The following SPTBN4 variants were observed in gnomAD, a reference collection of about 807,000 sequenced individuals.
SPTBN4 encodes spectrin beta, non-erythrocytic 4.
In SPTBN4, 96 loss-of-function variants were observed where a neutral mutation model predicts 277.8. The observed-to-expected ratio is 0.35, with a 90% CI of 0.29 to 0.41. The LOEUF (loss-of-function observed/expected upper bound fraction) is 0.41, where lower values mean the gene tolerates loss of function less well. Ranked by LOEUF, SPTBN4 falls within the 10% of genes least tolerant of loss-of-function variation. The pLI, the probability that SPTBN4 is intolerant of heterozygous loss-of-function variation, is 1.00. For synonymous variants in SPTBN4, 1,481 were observed against 1,580.3 expected (o/e 0.94, Z 1.49); for missense variants, 3,006 against 3,595.7 (o/e 0.84, Z 4.19).
In SPTBN4 at chr19:40,554,656, C is replaced by CGCGT; in HGVS notation, c.5084+12_5084+15dup. ...TGGGGCACCCGGACAGGTGGGCGGG[C>CGCGT]GCGTGGCCAGTTCACAGGAATGGTC... On this transcript the variant is annotated intron_variant, in intron 24 of 35. Coordinates refer to ENST00000598249, the MANE Select transcript of SPTBN4 (RefSeq NM_020971.3). This position sits in a 1 kb window ranked among gnomAD's most constrained non-coding sequence, Gnocchi z 5.7. The CGCGT allele has an allele frequency of 6.3e-7, 1 of 1,589,780 alleles. No individual in the cohort carries two copies. Among genetic ancestry groups the CGCGT allele is most frequent in the Non-Finnish European group, 8.6e-7 (1 of 1,168,642 alleles).
In SPTBN4 at chr19:40,572,365, C is replaced by G; in HGVS notation, c.7521C>G (p.Leu2507=). 6.2e-7 allele frequency: 1 copy of G among 1,614,184 alleles called. No individual in the cohort carries two copies. Among genetic ancestry groups the G allele is most frequent in the Non-Finnish European group, 8.5e-7 (1 of 1,180,020 alleles). Reference sequence around the variant, plus strand: ...CCCAGGATGGCAGTGAGTTTTTGCTCCAGGCAAAAGATGAGGTGAGATCTG... The same window carrying G: ...CCCAGGATGGCAGTGAGTTTTTGCTGCAGGCAAAAGATGAGGTGAGATCTG... ...LQTQDGSEFL[L]QAKDEEEMNG... Residue 2507 remains leucine, a synonymous_variant, in exon 35 of 36, where the codon CTC becomes CTG. Coordinates refer to ENST00000598249, the MANE Select transcript of SPTBN4 (RefSeq NM_020971.3).
Position 40,502,839 on chromosome 19 carries a change from G to A in SPTBN4, c.1268G>A (p.Arg423Gln), listed in dbSNP as rs773469412. 15 of 1,613,774 alleles carry A rather than the reference G, an allele frequency of 9.3e-6. No individual in the cohort carries two copies. The highest frequency in any genetic ancestry group is 1.6e-4 in the Middle Eastern group (1 of 6,084). ...REAALRAELI[R>Q]QEKLELLAQR... ...GCTGCCCTACGGGCTGAGCTGATTC[G>A]GCAGGAGAAGCTGGAACTACTGGCA... The change falls in exon 11 of 36, where the codon CGG becomes CAG. Residue 423 changes from arginine (R) to glutamine (Q), a missense_variant. Transcript: ENST00000598249. This position sits in a 1 kb window ranked among gnomAD's most constrained non-coding sequence, Gnocchi z 4.9.
chr19:40,569,967 C>CACACACACAG (rs2081136137), intron 32 of SPTBN4, among the ~76,000 whole-genome samples: 1 of 120,434 alleles, frequency 8.3e-6, no homozygotes, highest in Non-Finnish European at 1.8e-5. Flanking sequence ...CACACACACA[C>CACACACACAG]ACACACAGAC....
Position 40,557,196 on chromosome 19 carries a change from G to A in SPTBN4, c.5463G>A (p.Glu1821=). 1 of 1,610,970 alleles carries A rather than the reference G, an allele frequency of 6.2e-7. No homozygotes were observed. The highest frequency in any genetic ancestry group is 1.1e-5 in the South Asian group (1 of 90,894). ...GLNEAWAELL[E]LMGTRAQLLA... ...ACGAGGCCTGGGCTGAGCTGCTGGA[G>A]CTCATGGGCACACGGGCCCAGCTGC... Residue 1821 remains glutamate, a synonymous_variant, in exon 26 of 36, where the codon GAG becomes GAA. Coordinates refer to ENST00000598249, the MANE Select transcript of SPTBN4 (RefSeq NM_020971.3).
chr19:40,493,627 G>A (rs949056318), intron 5 of SPTBN4, among the ~76,000 whole-genome samples: 4 of 152,146 alleles, frequency 2.6e-5, no homozygotes, highest in East Asian at 3.9e-4. Context: ...AGGAGGCTGA[G>A]ATGGGAGGAT....
intron 12 of SPTBN4, among the ~76,000 whole-genome samples, chr19:40,505,658 A>T (rs781399182): frequency 2.0e-5 from 3 of 151,494 alleles, no homozygotes; most frequent in Non-Finnish European, 2.9e-5. Context: ...TGACAGAGGC[A>T]GACTCTGTCT....
Position 40,519,427 on chromosome 19 carries a change from A to G in SPTBN4, c.2930A>G (p.Glu977Gly). Reference protein sequence around the residue: ...SRWNRIVELVEQRKEEMSAVL... With the variant: ...SRWNRIVELVGQRKEEMSAVL... ...TGGAACCGCATCGTGGAGCTAGTGG[A>G]ACAGCGCAAAGAGGAAATGAGCGCG... The change falls in exon 16 of 36, where the codon GAA becomes GGA. Residue 977 changes from glutamate (E) to glycine (G), a missense_variant. Around this residue, in one of 5 missense-constraint regions of SPTBN4, gnomAD observed 1,759 missense variants for 2,061.5 expected, o/e 0.85. Transcript: ENST00000598249. The surrounding 1 kb of genome is among the most constrained non-coding windows in gnomAD (Gnocchi z 5.7). The G allele has an allele frequency of 6.3e-7, 1 of 1,589,868 alleles. No homozygotes were observed.
intron 3 of SPTBN4, among the ~76,000 whole-genome samples, chr19:40,488,765 G>T (rs2080102444): frequency 1.3e-5 from 2 of 152,092 alleles, no homozygotes; most frequent in Admixed American, 1.3e-4. Flanking sequence ...AGCCATGATT[G>T]CACCACTGCT....
intron 20 of SPTBN4, among the ~76,000 whole-genome samples, chr19:40,545,836 T>A (rs368888796): frequency 1.3e-5 from 2 of 151,802 alleles, no homozygotes; most frequent in African/African-American, 4.8e-5. Flanking sequence ...GGTCAGGAGA[T>A]CGAGACCATC....
At position 40,506,272 on chromosome 19, in the gene SPTBN4, G is replaced by C. The variant is rs2145854623; in HGVS notation, c.1702G>C (p.Val568Leu). The part of the protein sequence containing the change: ...LLSRECGQHL[V>L]EADDLLQKHG... ...GTCCCGGGAGTGTGGGCAGCACCTG[G>C]TGGAGGCAGACGACCTGTTGCAGAA... Residue 568 changes from valine (V) to leucine (L), a missense_variant, in exon 13 of 36, where the codon GTG (valine) becomes CTG (leucine). Val to Leu is a conservative substitution (Grantham distance 32, BLOSUM62 1). This residue lies in a region of SPTBN4 where 1,759 missense variants were observed against 2,061.5 expected (regional missense o/e 0.85). Coordinates refer to ENST00000598249, the MANE Select transcript of SPTBN4 (RefSeq NM_020971.3). 6.2e-7 allele frequency: 1 copy of C among 1,613,958 alleles called. No homozygotes were observed. The highest frequency in any genetic ancestry group is 8.5e-7 in the Non-Finnish European group (1 of 1,179,860).
At position 40,493,050 on chromosome 19, in the gene SPTBN4, G is replaced by A; in HGVS notation, c.583G>A (p.Ala195Thr). Residue 195 changes from alanine (A) to threonine (T), a missense_variant, in exon 5 of 36, where the codon GCT becomes ACT. Coordinates refer to ENST00000598249, the MANE Select transcript of SPTBN4 (RefSeq NM_020971.3). ...GCTCTTGTGGTGTCAGATGAAGACAGCTGGGTAAGCACCCCCACCACCTTC... is the reference window on the plus strand; with the variant it reads ...GCTCTTGTGGTGTCAGATGAAGACAACTGGGTAAGCACCCCCACCACCTTC... ...ALLLWCQMKT[A>T]GYPEVNIQNF... 6.2e-7 allele frequency: 1 copy of A among 1,614,032 alleles called. No homozygotes were observed. The highest frequency in any genetic ancestry group is 1.1e-5 in the South Asian group (1 of 91,078).
chr19:40,470,806 T>A (rs996038526), intron 1 of SPTBN4, among the ~76,000 whole-genome samples: 16 of 151,176 alleles, frequency 1.1e-4, no homozygotes, highest in Non-Finnish European at 2.4e-4. Flanking sequence ...CTAATTTTTG[T>A]ATTTTCAGTA....
At chr19:40,566,467 G>T in intron 30 of SPTBN4, 108 bp downstream of exon 30, 1 of 1,073,460 alleles carries the variant, frequency 9.3e-7, no homozygotes, top group Non-Finnish European at 1.3e-6. Flanking sequence ...GTCCTGTGTT[G>T]TGTGAGTGCC....
rs148009574 is a variant in SPTBN4, at chr19:40,523,492, C to G, written c.3710C>G (p.Ala1237Gly). The G allele has an allele frequency of 1.2e-6, 2 of 1,613,668 alleles. No homozygotes were observed. Among genetic ancestry groups the G allele is most frequent in the Non-Finnish European group, 1.7e-6 (2 of 1,179,852 alleles). The change falls in exon 17 of 36, where the codon GCC becomes GGC. Residue 1237 changes from alanine to glycine, a missense_variant. Around this residue, in one of 5 missense-constraint regions of SPTBN4, gnomAD observed 1,759 missense variants for 2,061.5 expected, o/e 0.85. Transcript: ENST00000598249. ...LPGTVESVEE[A>G]LKQHRDFLTT... ...GGCACAGTGGAATCGGTGGAGGAGG[C>G]CTTGAAACAGCACCGTGACTTTCTC...
Position 40,568,131 on chromosome 19 carries a change from C to T in SPTBN4, c.6805C>T (p.Arg2269Trp). Residue 2269 changes from arginine (R) to tryptophan (W), a missense_variant, in exon 31 of 36, where the codon CGG (arginine) becomes TGG (tryptophan). Transcript: ENST00000598249. ...GGCTGCGCGGAGGCGGCGGCCGGAG[C>T]GGCAGGAGTCAGCGGAGCACGAGGC... ...EEAARRRRPE[R>W]QESAEHEAAH... 3.8e-6 allele frequency: 6 copies of T among 1,575,854 alleles called. No homozygotes were observed. Among genetic ancestry groups the T allele is most frequent in the Non-Finnish European group, 5.2e-6 (6 of 1,161,342 alleles).
intron 16 of SPTBN4, 142 bp downstream of exon 16, chr19:40,520,293 C>G: frequency 1.1e-6 from 1 of 900,030 alleles, no homozygotes; most frequent in East Asian, 3.3e-5. Flanking sequence ...GAGAGAGTAT[C>G]CGGAATGGAT....
intron 35 of SPTBN4, 39 bp downstream of exon 35, chr19:40,572,419 G>C (rs375140596): frequency 5.0e-6 from 8 of 1,612,890 alleles, no homozygotes; most frequent in Non-Finnish European, 6.8e-6. Context: ...GTGGACCTCA[G>C]TAATGACCTG....
chr19:40,568,152 G>A lies in SPTBN4; in HGVS notation c.6826G>A (p.Glu2276Lys). 3.2e-6 allele frequency: 5 copies of A among 1,580,110 alleles called. No homozygotes were observed. The highest frequency in any genetic ancestry group is 4.3e-6 in the Non-Finnish European group (5 of 1,163,812). ...RPERQESAEH[E>K]AAHSLTLGRY... ...GGAGCGGCAGGAGTCAGCGGAGCAC[G>A]AGGCGGCACACAGCCTTACCCTGGG... is the stretch of plus-strand genomic sequence containing the variant. Residue 2276 changes from glutamate to lysine, a missense_variant, in exon 31 of 36, where the codon GAG becomes AAG. Glu to Lys is a moderately conservative substitution (Grantham distance 56, BLOSUM62 1). Around this residue, in one of 5 missense-constraint regions of SPTBN4, gnomAD observed 630 missense variants for 677.6 expected, o/e 0.93. Coordinates refer to ENST00000598249, the MANE Select transcript of SPTBN4 (RefSeq NM_020971.3).
At chr19:40,556,637 T>C (rs1404894542) in intron 25 of SPTBN4, among the ~76,000 whole-genome samples, 2 of 152,176 alleles carry the variant, frequency 1.3e-5, no homozygotes, top group Admixed American at 6.5e-5. Context: ...CACAAAATGG[T>C]AGCCTCTGCC....
Sources: allele counts gnomAD v4.1 joint callset (sites outside exome capture counted in the v4.1 genomes callset), GRCh38; gene constraint gnomAD v4.1.1; regional missense constraint gnomAD v4.1.1; non-coding constraint Gnocchi (gnomAD v3.1); transcripts MANE v1.5; gene names NCBI Gene and HGNC (gene_info 2026-07-23, HGNC 2026-07-21).